The following CNIH3 variants were observed in gnomAD, a reference collection of about 807,000 sequenced individuals.
The protein encoded by CNIH3 is cornichon family AMPA receptor auxiliary protein 3.
A neutral mutation model predicts 24.1 loss-of-function variants in CNIH3; 14 were observed. The ratio of observed to expected loss-of-function variants is 0.58; its 90% CI spans 0.38 to 0.91. The LOEUF (loss-of-function observed/expected upper bound fraction) is 0.91, where lower values mean the gene tolerates loss of function less well. Ranked by LOEUF, CNIH3 falls within the 40% of genes least tolerant of loss-of-function variation. The pLI is 0.00. For synonymous variants in CNIH3, 68 were observed against 73.8 expected (o/e 0.92, Z 0.40); for missense variants, 178 against 196.8 (o/e 0.90, Z 0.57).
At chr1:224,452,550 GGT>G (rs1454386641) in intron 1 of CNIH3, among the ~76,000 whole-genome samples, 2 of 151,792 alleles carry the variant, frequency 1.3e-5, no homozygotes, top group East Asian at 3.9e-4. Context: ...GGGAGGCCAA[GGT>G]GGGCGGATCA....
intron 1 of CNIH3, among the ~76,000 whole-genome samples, chr1:224,490,517 G>T (rs749840236): frequency 6.6e-6 from 1 of 152,068 alleles, no homozygotes; most frequent in Non-Finnish European, 1.5e-5. Flanking sequence ...TTCTTTTCTC[G>T]CATGCAGATT....
intron 3 of CNIH3, among the ~76,000 whole-genome samples, chr1:224,693,262 C>A (rs1045990414): frequency 6.6e-6 from 1 of 151,874 alleles, no homozygotes; most frequent in African/African-American, 2.4e-5. Flanking sequence ...TCCCTAGGGC[C>A]GCAGCAGGCG....
intron 1 of CNIH3, among the ~76,000 whole-genome samples, chr1:224,669,226 G>A (rs979438036): frequency 3.5e-4 from 53 of 152,152 alleles, no homozygotes; most frequent in African/African-American, 1.2e-3. Context: ...GCTCTGGGGT[G>A]TCTTTGTTTC....
intron 1 of CNIH3, among the ~76,000 whole-genome samples, chr1:224,441,816 AAAT>A (rs1674928052): frequency 6.6e-6 from 1 of 152,156 alleles, no homozygotes; most frequent in African/African-American, 2.4e-5. Flanking sequence ...GCTCTTTACT[AAAT>A]AATACTAAAT....
chr1:224,533,485 C>G (rs1350113453), intron 2 of CNIH3, among the ~76,000 whole-genome samples: 1 of 151,820 alleles, frequency 6.6e-6, no homozygotes, highest in Non-Finnish European at 1.5e-5. Context: ...CAAATCACCA[C>G]AAATTGGGTG....
In CNIH3 at chr1:224,465,537, C is replaced by T. The variant is rs906079467; in HGVS notation, n.203+30675C>T. Among the ~76,000 whole-genome samples the T allele has an allele frequency of 3.9e-5, 6 of 152,186 alleles. No individual in the cohort carries two copies. In the East Asian group the frequency reaches 5.8e-4, roughly 15 times the overall value. On this transcript the variant is annotated intron_variant and non_coding_transcript_variant, in intron 1 of 5. Transcript: ENST00000471578. ...TAGCTTTTATGCTGTTGTTGTCATA[C>T]GTTTTACTTACACATTTGTTATAAA...
At chr1:224,507,524 G>A (rs1449883999) in intron 1 of CNIH3, among the ~76,000 whole-genome samples, 2 of 152,150 alleles carry the variant, frequency 1.3e-5, no homozygotes, top group Non-Finnish European at 2.9e-5. Flanking sequence ...ATATGTGTAT[G>A]CGATCTTTCT....
chr1:224,724,057 T>A (rs1688887422), intron 3 of CNIH3, among the ~76,000 whole-genome samples: 1 of 152,116 alleles, frequency 6.6e-6, no homozygotes, highest in South Asian at 2.1e-4. Flanking sequence ...TAACAAAAAA[T>A]TTTAAAAAAT....
intron 1 of CNIH3, among the ~76,000 whole-genome samples, chr1:224,636,569 C>T (rs1391798976): frequency 1.3e-5 from 2 of 152,172 alleles, no homozygotes; most frequent in Non-Finnish European, 1.5e-5. Flanking sequence ...TGTGCCAGCA[C>T]CTCTGTTAAA....
chr1:224,647,455 C>A (rs1684664595), intron 1 of CNIH3, among the ~76,000 whole-genome samples: 1 of 152,202 alleles, frequency 6.6e-6, no homozygotes, highest in Non-Finnish European at 1.5e-5. Flanking sequence ...CACCCCCCTG[C>A]CTGGGCCTGG....
intron 3 of CNIH3, among the ~76,000 whole-genome samples, chr1:224,689,813 G>A (rs994980293): frequency 8.5e-5 from 13 of 152,210 alleles, no homozygotes; most frequent in Non-Finnish European, 1.8e-4. Flanking sequence ...GTAATTGTCT[G>A]AACTGCAGGA....
intron 1 of CNIH3, among the ~76,000 whole-genome samples, chr1:224,445,574 TAAAAAAAAAAAA>T (rs369951294): frequency 8.8e-5 from 8 of 90,422 alleles, no homozygotes; most frequent in Non-Finnish European, 1.4e-4. Context: ...GGACTCTGCT[TAAAAAAAAAAAA>T]AAAAAAAAAA....
In CNIH3 at chr1:224,477,645, G is replaced by A. The variant is rs1676642404; in HGVS notation, n.204-38096G>A. ...CATGAAAGTTGTTTTAGTTATTTTT[G>A]TTGATCAGTTCATCTTTTCGTCTTT... On this transcript the variant is annotated intron_variant and non_coding_transcript_variant, in intron 1 of 5. Transcript: ENST00000471578. Among the ~76,000 whole-genome samples, 3 of 152,068 alleles carry A rather than the reference G, an allele frequency of 2.0e-5. No individual in the cohort carries two copies. In the South Asian group the frequency reaches 6.2e-4, roughly 32 times the overall value.
At chr1:224,696,772 TTGTG>T (rs66962239) in intron 3 of CNIH3, among the ~76,000 whole-genome samples, 88 of 149,796 alleles carry the variant, frequency 5.9e-4, no homozygotes, top group South Asian at 5.7e-3. Context: ...GGGGATAAAT[TTGTG>T]TGTGTGTGTG....
chr1:224,587,241 C>A (rs1449629794), intron 5 of CNIH3: 1 of 152,364 alleles, frequency 6.6e-6, no homozygotes, highest in East Asian at 1.9e-4. Context: ...GAACCAGAGA[C>A]CCCAGACTTC....
chr1:224,739,295 C>CTTTT (rs11342205), intron 5 of CNIH3, 34 bp from the exon 6 acceptor site: 983 of 1,342,178 alleles, frequency 7.3e-4, no homozygotes, highest in South Asian at 2.5e-3. Context: ...ACCTTCCTCT[C>CTTTT]TTTTTTTTTT....
At chr1:224,489,767 C>T (rs570606498) in intron 1 of CNIH3, among the ~76,000 whole-genome samples, 68 of 152,278 alleles carry the variant, frequency 4.5e-4, no homozygotes, top group Admixed American at 2.0e-3. Flanking sequence ...TTTTTCGGTG[C>T]TGGAGGCTGG....
chr1:224,536,790 G>A (rs712080), intron 2 of CNIH3: 15 of 152,300 alleles, frequency 9.8e-5, no homozygotes, highest in African/African-American at 3.4e-4. Flanking sequence ...TAAAGGAAAA[G>A]AGGTGAGGGG....
rs571030357 is a variant in CNIH3 at position 224,437,936 on chromosome 1, A to G, written n.203+3074A>G. Among the ~76,000 whole-genome samples the G allele has an allele frequency of 4.7e-3, 701 of 148,116 alleles. 14 individuals are homozygous for G. The highest frequency in any genetic ancestry group is 0.017 in the African/African-American group (663 of 40,024). On this transcript the variant is annotated intron_variant and non_coding_transcript_variant, in intron 1 of 5. Transcript: ENST00000471578. ...AACTATTTTTTTTTTTTTTGGAGAC[A>G]GAGTTTCGCTCTGTCGCCCAGGCTG... is the stretch of plus-strand genomic sequence containing the variant.
Sources: allele counts gnomAD v4.1 joint callset (sites outside exome capture counted in the v4.1 genomes callset), GRCh38; gene constraint gnomAD v4.1.1; transcripts MANE v1.5; gene names NCBI Gene and HGNC (gene_info 2026-07-23, HGNC 2026-07-21).